The following GGT5 variants were observed in gnomAD, a reference collection of about 807,000 sequenced individuals.
The protein encoded by GGT5 is glutathione hydrolase 5 proenzyme.
A neutral mutation model predicts 58.1 loss-of-function variants in GGT5; 50 were observed. The ratio of observed to expected loss-of-function variants is 0.86; its 90% CI spans 0.69 to 1.09. GGT5 has a LOEUF of 1.09. Among genes scored for constraint, GGT5 ranks in the 50% least tolerant of loss-of-function variants. GGT5 has a pLI of 0.00. For synonymous variants in GGT5, 370 were observed against 346.1 expected, an observed-to-expected ratio of 1.07 and a Z score of -0.77; for missense variants, 800 against 789.4, an observed-to-expected ratio of 1.01 and a Z score of -0.16.
intron 1 of GGT5, chr22:24,241,463 C>T (rs2048326758): frequency 6.6e-6 from 1 of 152,204 alleles, no homozygotes; most frequent in Admixed American, 6.5e-5. Context: ...AGAATTCCTG[C>T]TTCTCTGGGA....
chr22:24,227,666 A>AGAAACCAGTATGATCATG (rs149759859), intron 6 of GGT5, among the ~76,000 whole-genome samples: 23,070 of 151,888 alleles, frequency 0.15, 2,182 homozygotes, highest in Admixed American at 0.25. Context: ...ACAGCAGAGG[A>AGAAACCAGTATGATCATG]GAAACCAGTA....
At chr22:24,225,502 G>A (rs1299023776) in intron 9 of GGT5, 44 bp downstream of exon 9, 1 of 1,585,230 alleles carries the variant, frequency 6.3e-7, no homozygotes, top group Non-Finnish European at 8.7e-7. Context: ...CTCTCCCCTG[G>A]TGGGGGGCCC....
Position 24,226,120 on chromosome 22 carries a change from C to T in GGT5, c.1185G>A (p.Gly395=), listed in dbSNP as rs1256207242. 6.2e-7 allele frequency: 1 copy of T among 1,609,172 alleles called. No individual in the cohort carries two copies. Among genetic ancestry groups the T allele is most frequent in the South Asian group, 1.1e-5 (1 of 90,824 alleles). Residue 395 remains glycine (G), a synonymous_variant, in exon 8 of 12, where the codon GGG becomes GGA. Coordinates refer to ENST00000327365, the MANE Select transcript of GGT5 (RefSeq NM_004121.5). ...TGGCAGCCACGGCGCTGCCATCCTC[C>T]CCCAGCACAGACACATGGGACGTGC... ...GTGTSHVSVL[G]EDGSAVAATS... is the part of the protein sequence containing the mutation.
chr22:24,229,297 C>T (rs1209614186), intron 6 of GGT5, among the ~76,000 whole-genome samples: 3 of 151,472 alleles, frequency 2.0e-5, no homozygotes, highest in African/African-American at 4.9e-5. Flanking sequence ...ATCCCAGCTA[C>T]GTGGGAGGCT....
At position 24,226,832 on chromosome 22, in the gene GGT5, C is replaced by T. The variant is rs561717573; in HGVS notation, c.902-65G>A. The T allele has an allele frequency of 3.2e-5, 43 of 1,350,508 alleles. No homozygotes were observed. The African/African-American group carries it at 5.9e-4, about 18-fold the overall frequency. The allele number at this position is 1,350,508 out of a possible 1,614,324, so 83.7% of individuals were successfully genotyped here. A position where few individuals can be genotyped will look rare whatever the true frequency, so the allele number is the denominator to read the frequency against. ...TATGTAATGGGTTGAATGTTGCCCC[C>T]ACCCCCCACCACAGAAAGATCCACC... On this transcript the variant is annotated intron_variant, in intron 6 of 11. Transcript: ENST00000327365.
At chr22:24,224,919 C>G in intron 11 of GGT5, 77 bp downstream of exon 11, 1 of 918,760 alleles carries the variant, frequency 1.1e-6, no homozygotes, top group South Asian at 1.4e-5. Context: ...GACTGAGTTC[C>G]TCCCAGGTGG....
chr22:24,233,939 A>G lies in GGT5; in HGVS notation c.239T>C (p.Val80Ala). 1 of 1,613,566 alleles carries G rather than the reference A, an allele frequency of 6.2e-7. No individual in the cohort carries two copies. The highest frequency in any genetic ancestry group is 8.5e-7 in the Non-Finnish European group (1 of 1,179,544). ...CAGGCCCATGCTCTGAGGGTTGACGACGCTGGTGCAGACCAGAGCCGCGAT... is the reference window on the plus strand; with the variant it reads ...CAGGCCCATGCTCTGAGGGTTGACGGCGCTGGTGCAGACCAGAGCCGCGAT... ...ATIAALVCTS[V>A]VNPQSMGLGG... Residue 80 changes from valine to alanine, a missense_variant, in exon 2 of 12, where the codon GTC becomes GCC. Physicochemically the swap from Val to Ala is moderately conservative, Grantham distance 64. Transcript: ENST00000327365.
intron 1 of GGT5, among the ~76,000 whole-genome samples, chr22:24,239,399 T>C (rs996104912): frequency 6.6e-6 from 1 of 152,008 alleles, no homozygotes; most frequent in Non-Finnish European, 1.5e-5. Flanking sequence ...ACGTTATTGG[T>C]ATAAAATTAT....
intron 6 of GGT5, among the ~76,000 whole-genome samples, chr22:24,230,930 G>C (rs932505617): frequency 6.6e-6 from 1 of 152,220 alleles, no homozygotes; most frequent in Non-Finnish European, 1.5e-5. Context: ...CACCAAGCTT[G>C]TGGTGATTTG....
chr22:24,225,637 C>T lies in GGT5; in HGVS notation c.1245G>A (p.Val415=), dbSNP rs1334665113. ...GGATGATGCCTGTCCGTGGTGAATA[C>T]ACCATCGCTCCAAAGCTGCAGCCGT... The part of the protein sequence containing the change: ...STINTPFGAM[V]YSPRTGIILN... Residue 415 remains valine (V), a synonymous_variant, in exon 9 of 12, where the codon GTG becomes GTA. Transcript: ENST00000327365. 6.2e-7 allele frequency: 1 copy of T among 1,609,868 alleles called. No homozygotes were observed. The highest frequency in any genetic ancestry group is 1.7e-5 in the Admixed American group (1 of 59,968).
intron 11 of GGT5, chr22:24,220,642 G>A (rs558328510): frequency 3.1e-5 from 14 of 454,852 alleles, no homozygotes; most frequent in Admixed American, 2.4e-4. Flanking sequence ...CATACCTACA[G>A]TCTTAGCCAC....
intron 2 of GGT5, 41 bp from the exon 3 acceptor site, chr22:24,233,634 AGACAGCCCCT>A (rs2048016305): frequency 8.3e-7 from 1 of 1,210,412 alleles, no homozygotes. Context: ...TGGACCCTGC[AGACAGCCCCT>A]GGCCTGCTCT....
chr22:24,238,872 ATAATATATATTATATATT>A (rs1180972153), intron 1 of GGT5, among the ~76,000 whole-genome samples: 292 of 12,356 alleles, frequency 0.024, 36 homozygotes, highest in African/African-American at 0.051. Flanking sequence ...TATAATATAT[ATAATATATATTATATATT>A]TTATATATAT....
chr22:24,233,129 GC>G, intron 3 of GGT5, 111 bp from the exon 4 acceptor site: 1 of 815,556 alleles, frequency 1.2e-6, no homozygotes. Flanking sequence ...GCTTTCTGGA[GC>G]CCACACCCGA....
chr22:24,230,577 A>C (rs1302424974), intron 6 of GGT5, among the ~76,000 whole-genome samples: 3 of 151,958 alleles, frequency 2.0e-5, no homozygotes, highest in Non-Finnish European at 4.4e-5. Flanking sequence ...TAATAATAAT[A>C]ATAATAATGC....
intron 1 of GGT5, among the ~76,000 whole-genome samples, chr22:24,237,823 C>T (rs1407224582): frequency 6.6e-6 from 1 of 152,152 alleles, no homozygotes; most frequent in Non-Finnish European, 1.5e-5. Context: ...TAAAAAGGTC[C>T]ATAGGATCTC....
chr22:24,225,538 G>A lies in GGT5; in HGVS notation c.1336+8C>T, dbSNP rs899898018. The A allele has an allele frequency of 6.3e-7, 1 of 1,598,778 alleles. No individual in the cohort carries two copies. The highest frequency in any genetic ancestry group is 1.3e-5 in the African/African-American group (1 of 74,650). On this transcript the variant is annotated splice_region_variant and intron_variant, in intron 9 of 11. Coordinates refer to ENST00000327365, the MANE Select transcript of GGT5 (RefSeq NM_004121.5). The stretch of plus-strand genomic sequence containing the variant: ...TTGTGGACCCCGGGTGGGAAGCTTT[G>A]TTCTCACCAGGTGAGGGGGTGGTGC...
chr22:24,245,073 C>T lies in GGT5; in HGVS notation c.-348G>A, dbSNP rs1239447122. ...TGCTGCCCTCACCAAGTGCACACTA[C>T]GGAGTGGCCAAACTCACGCCTCAAC... On this transcript the variant is annotated 5_prime_UTR_variant, in exon 1 of 12. Coordinates refer to ENST00000327365, the MANE Select transcript of GGT5 (RefSeq NM_004121.5). 4.5e-5 allele frequency: 12 copies of T among 265,288 alleles called. 1 individual carries two copies. In the East Asian group the frequency reaches 5.0e-4, roughly 11 times the overall value. The allele number at this position is 265,288 out of a possible 1,614,324, so 16.4% of individuals were successfully genotyped here.
intron 11 of GGT5, among the ~76,000 whole-genome samples, chr22:24,224,602 A>G (rs1601376654): frequency 6.6e-6 from 1 of 152,332 alleles, no homozygotes; most frequent in South Asian, 2.1e-4. Context: ...AGACTGTCAC[A>G]GGAAAAACAA....
Sources: gnomAD v4.1 joint callset for allele counts (sites outside exome capture counted in the v4.1 genomes callset) on GRCh38, gnomAD v4.1.1 for gene constraint, MANE v1.5 for transcripts, NCBI Gene and HGNC (gene_info 2026-07-23, HGNC 2026-07-21) for gene names.